Variants in STX8 observed in about 807,000 individuals in gnomAD.
STX8 encodes syntaxin-8.
STX8 carries 23 observed loss-of-function variants against 37.5 expected under a neutral mutation model. The ratio of observed to expected loss-of-function variants is 0.61; its 90% confidence interval spans 0.44 to 0.87. The LOEUF is 0.87. Ranked by LOEUF, STX8 falls within the 40% of genes least tolerant of loss-of-function variation. The probability of loss-of-function intolerance (pLI) is 0.00; values close to 1 mark genes in which losing one functional copy is unlikely to be tolerated. For missense variants in STX8, 313 were observed against 284.7 expected, an observed-to-expected ratio of 1.10 and a Z score of -0.71; for synonymous variants, 115 against 99.1, an observed-to-expected ratio of 1.16 and a Z score of -0.95.
chr17:9,429,021 T>C (rs1461580156), intron 6 of STX8, among the ~76,000 whole-genome samples: 4 of 152,112 alleles, frequency 2.6e-5, no homozygotes, highest in Non-Finnish European at 4.4e-5. Context: ...AAGGGTACCT[T>C]TGACTTGGTC....
At chr17:9,575,377 C>T (rs111402724) in intron 1 of STX8, among the ~76,000 whole-genome samples, 1 of 152,148 alleles carries the variant, frequency 6.6e-6, no homozygotes, top group African/African-American at 2.4e-5. Flanking sequence ...CTCGGTTTCT[C>T]CACCTGTGAA....
intron 6 of STX8, among the ~76,000 whole-genome samples, chr17:9,402,471 C>A (rs755051189): frequency 6.6e-6 from 1 of 152,114 alleles, no homozygotes; most frequent in African/African-American, 2.4e-5. Context: ...TTTATTCCAA[C>A]ACTGCTGCTT....
intron 2 of STX8, among the ~76,000 whole-genome samples, chr17:9,559,743 T>TATATATATAC (rs1555537482): frequency 2.3e-5 from 1 of 44,158 alleles, no homozygotes; most frequent in Non-Finnish European, 3.7e-5. Context: ...TTTATATATA[T>TATATATATAC]ATATATATAT....
At chr17:9,567,052 T>A (rs1907488991) in intron 2 of STX8, among the ~76,000 whole-genome samples, 1 of 152,206 alleles carries the variant, frequency 6.6e-6, no homozygotes, top group Admixed American at 6.5e-5. Context: ...TGTTCTCACA[T>A]TCTGTAGGTT....
At chr17:9,277,629 T>C (rs376365483) in intron 7 of STX8, among the ~76,000 whole-genome samples, 40 of 152,180 alleles carry the variant, frequency 2.6e-4, no homozygotes, top group African/African-American at 8.7e-4. Context: ...TTACAAATCA[T>C]AGAGAAGCAT....
intron 6 of STX8, among the ~76,000 whole-genome samples, chr17:9,395,727 A>G (rs1215138047): frequency 6.6e-6 from 1 of 152,174 alleles, no homozygotes; most frequent in East Asian, 1.9e-4. Flanking sequence ...TTGGAAGCAA[A>G]TACTTCATTA....
At position 9,296,368 on chromosome 17, in the gene STX8, C is replaced by G. The variant is rs1476192848; in HGVS notation, c.644-45723G>C. Among the ~76,000 whole-genome samples the G allele has an allele frequency of 3.3e-5, 5 of 150,770 alleles. No homozygotes were observed. The South Asian group carries it at 6.3e-4, about 19-fold the overall frequency. ...AAAAAATTAGCCAGGCGTGGTGGTG[C>G]GTGCCTGTAATCCCAGCTACTTGGG... On this transcript the variant is annotated intron_variant, in intron 7 of 7. Coordinates refer to ENST00000306357, the MANE Select transcript of STX8 (RefSeq NM_004853.3).
At chr17:9,464,632 A>C (rs1254353508) in intron 6 of STX8, 1 of 152,126 alleles carries the variant, frequency 6.6e-6, no homozygotes, top group African/African-American at 2.4e-5. Flanking sequence ...AGAAGTGAGC[A>C]GATCATAAAT....
At chr17:9,487,090 C>T (rs1298470633) in intron 6 of STX8, among the ~76,000 whole-genome samples, 3 of 152,114 alleles carry the variant, frequency 2.0e-5, no homozygotes, top group African/African-American at 7.2e-5. Flanking sequence ...TGGTCACTGG[C>T]ATAGGAACAG....
At chr17:9,415,642 G>C (rs924699060) in intron 6 of STX8, among the ~76,000 whole-genome samples, 2 of 152,016 alleles carry the variant, frequency 1.3e-5, no homozygotes, top group Non-Finnish European at 2.9e-5. Flanking sequence ...GGTGGCAGGC[G>C]CCTGTAGTCC....
intron 5 of STX8, among the ~76,000 whole-genome samples, chr17:9,494,316 C>G (rs1461612863): frequency 1.3e-5 from 2 of 151,124 alleles, no homozygotes; most frequent in Non-Finnish European, 3.0e-5. Context: ...CCCCCGGCCC[C>G]CATGATATGT....
chr17:9,296,563 T>C (rs1908550894), intron 7 of STX8, among the ~76,000 whole-genome samples: 1 of 151,020 alleles, frequency 6.6e-6, no homozygotes, highest in African/African-American at 2.4e-5. Flanking sequence ...AATTAATGAA[T>C]TCATTCATTC....
chr17:9,382,998 G>A (rs563411816), intron 6 of STX8, among the ~76,000 whole-genome samples: 3 of 152,152 alleles, frequency 2.0e-5, no homozygotes, highest in South Asian at 2.1e-4. Flanking sequence ...ATGAATGAAC[G>A]AATCCTGTTC....
At chr17:9,383,424 C>T (rs1278378069) in intron 6 of STX8, among the ~76,000 whole-genome samples, 1 of 152,134 alleles carries the variant, frequency 6.6e-6, no homozygotes, top group Non-Finnish European at 1.5e-5. Flanking sequence ...ATTCAGTGTC[C>T]ATCCATGATA....
At chr17:9,453,451 C>T (rs1234953893) in intron 6 of STX8, among the ~76,000 whole-genome samples, 1 of 151,236 alleles carries the variant, frequency 6.6e-6, no homozygotes, top group Non-Finnish European at 1.5e-5. Context: ...TGTATACAAC[C>T]TTCAAGAGCA....
intron 4 of STX8, among the ~76,000 whole-genome samples, chr17:9,506,420 C>CT (rs1555532616): frequency 9.6e-6 from 1 of 104,118 alleles, no homozygotes; most frequent in Non-Finnish European, 2.1e-5. Context: ...CCCCCCCCCC[C>CT]ACCCACCTTT....
rs189797789 is a variant in STX8 at position 9,545,873 on chromosome 17, C to T, written c.213-591G>A. Among the ~76,000 whole-genome samples the T allele has an allele frequency of 2.3e-3, 351 of 152,308 alleles. 1 individual carries two copies. Among genetic ancestry groups the T allele is most frequent in the African/African-American group, 8.2e-3 (340 of 41,570 alleles). ...TGGAATTACAAGGCGTGAGTCACCA[C>T]GCCCAGCCCCAGTGACCAAATTTAA... On this transcript the variant is annotated intron_variant, in intron 3 of 7. Transcript: ENST00000306357.
intron 7 of STX8, among the ~76,000 whole-genome samples, chr17:9,288,593 T>C (rs540290046): frequency 8.6e-5 from 13 of 151,604 alleles, no homozygotes; most frequent in South Asian, 4.2e-4. Context: ...ACCCGGGAGG[T>C]GGAGCTTGCA....
chr17:9,520,478 T>A (rs1028826898), intron 4 of STX8, among the ~76,000 whole-genome samples: 1 of 152,244 alleles, frequency 6.6e-6, no homozygotes, highest in Non-Finnish European at 1.5e-5. Flanking sequence ...TGAATTTTTT[T>A]AATAAATGAT....
Sources: allele counts gnomAD v4.1 joint callset (sites outside exome capture counted in the v4.1 genomes callset), GRCh38; gene constraint gnomAD v4.1.1; transcripts MANE v1.5; gene names NCBI Gene and HGNC (gene_info 2026-07-23, HGNC 2026-07-21).